The following ATF7IP variants were observed in gnomAD, a reference collection of about 807,000 sequenced individuals.
ATF7IP encodes activating transcription factor 7 interacting protein.
Under a neutral mutation model 106.4 loss-of-function variants are expected in ATF7IP, and 23 were observed. The observed-to-expected ratio is 0.22, with a 90% CI of 0.16 to 0.31. ATF7IP has a LOEUF of 0.31. ATF7IP is among the 10% of genes least tolerant of loss of function. The probability of loss-of-function intolerance (pLI) is 1.00; values close to 1 mark genes in which losing one functional copy is unlikely to be tolerated. For synonymous variants in ATF7IP, 542 were observed against 539.0 expected, an observed-to-expected ratio of 1.01 and a Z score of -0.08; for missense variants, 1,334 against 1,524.3, an observed-to-expected ratio of 0.88 and a Z score of 2.08.
At chr12:14,481,388 G>A in intron 13 of ATF7IP, 1 of 597,236 alleles carries the variant, frequency 1.7e-6, no homozygotes, top group South Asian at 2.1e-5. Flanking sequence ...CTTGAAAATA[G>A]CTGATAGAGC....
intron 1 of ATF7IP, among the ~76,000 whole-genome samples, chr12:14,373,345 T>C (rs372328139): frequency 2.6e-5 from 4 of 152,210 alleles, no homozygotes; most frequent in African/African-American, 7.2e-5. Context: ...TAAGACTGTT[T>C]AGAGTTTGTA....
intron 5 of ATF7IP, among the ~76,000 whole-genome samples, chr12:14,442,235 A>G (rs1044722587): frequency 1.6e-4 from 25 of 152,276 alleles, no homozygotes; most frequent in Admixed American, 1.5e-3. Flanking sequence ...TAACTTTATA[A>G]CAGTTAGGTT....
intron 9 of ATF7IP, among the ~76,000 whole-genome samples, chr12:14,462,824 T>C (rs984898055): frequency 3.9e-5 from 6 of 151,944 alleles, no homozygotes; most frequent in African/African-American, 1.4e-4. Flanking sequence ...AACATAAAAT[T>C]GTATATTTTA....
intron 1 of ATF7IP, among the ~76,000 whole-genome samples, chr12:14,406,642 G>T: frequency 2.8e-5 from 4 of 144,738 alleles, no homozygotes; most frequent in Admixed American, 1.4e-4. Flanking sequence ...GTAGACCAGT[G>T]TTTAAAATAA....
intron 6 of ATF7IP, among the ~76,000 whole-genome samples, chr12:14,451,636 G>A (rs746165673): frequency 1.3e-5 from 2 of 150,804 alleles, no homozygotes; most frequent in Admixed American, 1.3e-4. Context: ...TTTTTAAACA[G>A]CATGTTTAAT....
chr12:14,451,025 C>G (rs978697495), intron 6 of ATF7IP, among the ~76,000 whole-genome samples: 1 of 151,932 alleles, frequency 6.6e-6, no homozygotes, highest in African/African-American at 2.4e-5. Flanking sequence ...GCCACCGCAC[C>G]TGGCCTTAGG....
At chr12:14,465,503 T>C (rs2136744801) in intron 9 of ATF7IP, among the ~76,000 whole-genome samples, 1 of 151,766 alleles carries the variant, frequency 6.6e-6, no homozygotes, top group East Asian at 1.9e-4. Context: ...CAGATGCTCA[T>C]TTGTAATAAA....
chr12:14,444,059 C>T (rs1373242039), intron 5 of ATF7IP, among the ~76,000 whole-genome samples: 3 of 152,078 alleles, frequency 2.0e-5, no homozygotes, highest in Non-Finnish European at 4.4e-5. Flanking sequence ...TGATTCCTCT[C>T]AAATCACAGT....
chr12:14,389,968 A>G (rs1414993322), intron 1 of ATF7IP, among the ~76,000 whole-genome samples: 1 of 152,198 alleles, frequency 6.6e-6, no homozygotes, highest in Non-Finnish European at 1.5e-5. Context: ...GATTTTACCT[A>G]AAAATCTAGA....
chr12:14,443,901 G>T (rs1322089268), intron 5 of ATF7IP, among the ~76,000 whole-genome samples: 1 of 152,002 alleles, frequency 6.6e-6, no homozygotes, highest in African/African-American at 2.4e-5. Flanking sequence ...ATGAGAAAAA[G>T]ATTTCACATA....
At chr12:14,391,193 C>T (rs965475116) in intron 1 of ATF7IP, among the ~76,000 whole-genome samples, 1 of 152,134 alleles carries the variant, frequency 6.6e-6, no homozygotes, top group African/African-American at 2.4e-5. Flanking sequence ...TGTTATTAGT[C>T]ATTAATATGT....
At chr12:14,441,973 A>G (rs1022846342) in intron 5 of ATF7IP, among the ~76,000 whole-genome samples, 7 of 152,238 alleles carry the variant, frequency 4.6e-5, no homozygotes, top group Non-Finnish European at 2.9e-5. Flanking sequence ...ATTTATTATC[A>G]GTTCCACCAA....
chr12:14,403,291 A>C (rs1184110198), intron 1 of ATF7IP, among the ~76,000 whole-genome samples: 2 of 152,158 alleles, frequency 1.3e-5, no homozygotes, highest in African/African-American at 4.8e-5. Flanking sequence ...ATGCTTTAAA[A>C]ATTATTAGAG....
At chr12:14,390,409 T>G (rs972368132) in intron 1 of ATF7IP, among the ~76,000 whole-genome samples, 1 of 152,210 alleles carries the variant, frequency 6.6e-6, no homozygotes, top group Admixed American at 6.5e-5. Context: ...GTGAAGAGAT[T>G]AAAGAAATAC....
At chr12:14,483,348 G>A (rs556998890) in intron 13 of ATF7IP, among the ~76,000 whole-genome samples, 89 of 152,166 alleles carry the variant, frequency 5.8e-4, no homozygotes, top group African/African-American at 2.1e-3. Flanking sequence ...CCTTACCTCC[G>A]TTGTGGAGCA....
At chr12:14,380,297 T>C (rs1291646352) in intron 1 of ATF7IP, among the ~76,000 whole-genome samples, 2 of 152,224 alleles carry the variant, frequency 1.3e-5, no homozygotes, top group South Asian at 2.1e-4. Flanking sequence ...GTCTCTGTCA[T>C]GTTGGAAACT....
chr12:14,465,030 G>A (rs899988459), intron 9 of ATF7IP, among the ~76,000 whole-genome samples: 1 of 152,032 alleles, frequency 6.6e-6, no homozygotes, highest in African/African-American at 2.4e-5. Flanking sequence ...AGCCTGGCCA[G>A]CATGATGAAA....
At chr12:14,441,584 G>A (rs974997614) in intron 5 of ATF7IP, among the ~76,000 whole-genome samples, 2 of 150,046 alleles carry the variant, frequency 1.3e-5, no homozygotes, top group African/African-American at 4.9e-5. Flanking sequence ...CTGCCTCCCG[G>A]GTTCACGCCA....
chr12:14,368,803 G>C (rs1394467818), intron 1 of ATF7IP, among the ~76,000 whole-genome samples: 1 of 151,970 alleles, frequency 6.6e-6, no homozygotes, highest in South Asian at 2.1e-4. Context: ...GAGTGTTACT[G>C]TTTTTCTTAT....
Sources: allele counts gnomAD v4.1 joint callset (sites outside exome capture counted in the v4.1 genomes callset), GRCh38; gene constraint gnomAD v4.1.1; transcripts MANE v1.5; gene names NCBI Gene and HGNC (gene_info 2026-07-23, HGNC 2026-07-21).